Variants in TRERF1 observed in about 807,000 individuals in gnomAD.
TRERF1 encodes transcriptional-regulating factor 1.
A neutral mutation model predicts 122.9 loss-of-function variants in TRERF1; 27 were observed. That is an observed-to-expected ratio of 0.22 (90% CI 0.16 to 0.30). TRERF1 has a LOEUF of 0.30. Ranked by LOEUF, TRERF1 falls within the 10% of genes least tolerant of loss-of-function variation. TRERF1 has a pLI of 1.00. For synonymous variants in TRERF1, 636 were observed against 641.7 expected, an observed-to-expected ratio of 0.99 and a Z score of 0.13; for missense variants, 1,248 against 1,560.3, an observed-to-expected ratio of 0.80 and a Z score of 3.37.
chr6:42,303,927 A>AAAAAAAAAAAAG (rs1554157103), intron 3 of TRERF1, among the ~76,000 whole-genome samples: 2 of 150,010 alleles, frequency 1.3e-5, no homozygotes, highest in African/African-American at 4.9e-5. Flanking sequence ...AAAAAAAAAA[A>AAAAAAAAAAAAG]AAGAAGATGT....
chr6:42,285,874 A>T (rs942101607), intron 4 of TRERF1, among the ~76,000 whole-genome samples: 1 of 151,140 alleles, frequency 6.6e-6, no homozygotes, highest in Admixed American at 6.6e-5. Context: ...GAGGCATCAC[A>T]TTACCTGACT....
Position 42,269,696 on chromosome 6 carries a change from C to T in TRERF1, c.-106G>A, listed in dbSNP as rs530417554. ...TGAGAAGCTGAGAGAAAAGTGTCAG[C>T]ACTACTCCACGGCTGACATGTCTGT... On this transcript the variant is annotated 5_prime_UTR_variant, in exon 5 of 18. Coordinates refer to ENST00000372922, the Ensembl canonical transcript of TRERF1. This position sits in a 1 kb window ranked among gnomAD's most constrained non-coding sequence, Gnocchi z 4.9. 65 of 1,471,622 alleles carry T rather than the reference C, an allele frequency of 4.4e-5. 1 individual carries two copies. The South Asian group carries it at 8.8e-4, about 20-fold the overall frequency. 91.2% of individuals were successfully genotyped at this position (1,471,622 alleles called of 1,614,324 possible).
intron 2 of TRERF1, among the ~76,000 whole-genome samples, chr6:42,392,957 C>CACACACACAG: frequency 6.6e-6 from 1 of 151,658 alleles, no homozygotes; most frequent in African/African-American, 2.4e-5. Context: ...CACACACACA[C>CACACACACAG]AGCAGTTGTC....
At chr6:42,417,023 G>A (rs1053311915) in intron 2 of TRERF1, among the ~76,000 whole-genome samples, 1 of 151,940 alleles carries the variant, frequency 6.6e-6, no homozygotes, top group Non-Finnish European at 1.5e-5. Flanking sequence ...CCAGGACAAC[G>A]CCCAGCCAGC....
intron 3 of TRERF1, among the ~76,000 whole-genome samples, chr6:42,315,806 A>T (rs189907581): frequency 9.3e-4 from 132 of 142,438 alleles, no homozygotes; most frequent in Non-Finnish European, 1.7e-3. Context: ...ACAGGTTGGG[A>T]CCAGTGTGCA....
At chr6:42,384,509 C>G (rs1392471263) in intron 2 of TRERF1, among the ~76,000 whole-genome samples, 1 of 152,118 alleles carries the variant, frequency 6.6e-6, no homozygotes, top group African/African-American at 2.4e-5. Context: ...AAGTGGTTAC[C>G]TATTGAGAGG....
chr6:42,257,702 C>G (rs981730531), intron 10 of TRERF1, among the ~76,000 whole-genome samples: 1 of 152,222 alleles, frequency 6.6e-6, no homozygotes. Flanking sequence ...AAAATAACCA[C>G]CTTTGCCTCT....
intron 2 of TRERF1, among the ~76,000 whole-genome samples, chr6:42,371,839 G>A (rs1773826656): frequency 6.6e-6 from 1 of 152,156 alleles, no homozygotes; most frequent in African/African-American, 2.4e-5. Flanking sequence ...CCCTGTAGCA[G>A]CACTGTTCTG....
At chr6:42,383,641 T>C (rs141710438) in intron 2 of TRERF1, among the ~76,000 whole-genome samples, 2 of 152,108 alleles carry the variant, frequency 1.3e-5, no homozygotes, top group Non-Finnish European at 2.9e-5. Flanking sequence ...CCCAAGAAAA[T>C]GGACTCGTTT....
intron 4 of TRERF1, among the ~76,000 whole-genome samples, chr6:42,287,451 G>A (rs1368606319): frequency 6.6e-6 from 1 of 152,084 alleles, no homozygotes; most frequent in Non-Finnish European, 1.5e-5. Flanking sequence ...AAAGGAGGAA[G>A]AGGCCCAAGT....
At chr6:42,286,734 C>T (rs370863639) in intron 4 of TRERF1, among the ~76,000 whole-genome samples, 7 of 118,182 alleles carry the variant, frequency 5.9e-5, no homozygotes, top group Admixed American at 8.9e-5. Flanking sequence ...GTCAGTGTGG[C>T]GATTCCTCAG....
At chr6:42,294,899 G>A (rs1247135399) in intron 4 of TRERF1, among the ~76,000 whole-genome samples, 3 of 152,172 alleles carry the variant, frequency 2.0e-5, no homozygotes, top group Non-Finnish European at 4.4e-5. Context: ...TCAGTTGGAT[G>A]GCATTAGTAA....
chr6:42,334,160 A>G (rs1765739795), intron 3 of TRERF1, among the ~76,000 whole-genome samples: 1 of 151,298 alleles, frequency 6.6e-6, no homozygotes. Flanking sequence ...AAATCTAAAA[A>G]TAAAACAAAG....
chr6:42,379,435 T>C (rs1775520117), intron 2 of TRERF1, among the ~76,000 whole-genome samples: 1 of 152,058 alleles, frequency 6.6e-6, no homozygotes, highest in Admixed American at 6.5e-5. Context: ...TTCATTTCCA[T>C]TTGTGTTTAT....
At chr6:42,274,942 G>A (rs1458502211) in intron 4 of TRERF1, among the ~76,000 whole-genome samples, 1 of 152,110 alleles carries the variant, frequency 6.6e-6, no homozygotes, top group Admixed American at 6.5e-5. Flanking sequence ...GGCGTGAAAA[G>A]TCTCCCTCCA....
intron 14 of TRERF1, among the ~76,000 whole-genome samples, chr6:42,243,879 CTTTT>C (rs34858601): frequency 8.1e-6 from 1 of 123,368 alleles, no homozygotes; most frequent in African/African-American, 3.2e-5. Flanking sequence ...TGCGCCCAGC[CTTTT>C]TTTTTTTTTT....
chr6:42,358,801 T>C (rs1271986296), intron 3 of TRERF1, among the ~76,000 whole-genome samples: 1 of 151,070 alleles, frequency 6.6e-6, no homozygotes, highest in Non-Finnish European at 1.5e-5. Context: ...TTTTTTTTTT[T>C]TTCTCCTAGT....
intron 5 of TRERF1, among the ~76,000 whole-genome samples, chr6:42,266,903 C>T (rs1779296174): frequency 6.6e-6 from 1 of 152,204 alleles, no homozygotes. Context: ...TTCACAGTCA[C>T]CACCACTGCC....
intron 2 of TRERF1, among the ~76,000 whole-genome samples, chr6:42,407,559 C>T (rs1268783990): frequency 6.6e-6 from 1 of 152,140 alleles, no homozygotes; most frequent in Non-Finnish European, 1.5e-5. Flanking sequence ...TACCTCCTCT[C>T]AGGGTGGAGA....
Sources: allele counts gnomAD v4.1 joint callset (sites outside exome capture counted in the v4.1 genomes callset), GRCh38; gene constraint gnomAD v4.1.1; non-coding constraint Gnocchi (gnomAD v3.1); transcripts MANE v1.5; gene names NCBI Gene and HGNC (gene_info 2026-07-23, HGNC 2026-07-21).